Variants in ZNF582 observed in about 807,000 individuals in gnomAD.
The protein encoded by ZNF582 is zinc finger protein 582.
Under a neutral mutation model 12.3 loss-of-function variants are expected in ZNF582, and 14 were observed. The observed-to-expected ratio is 1.14, with a 90% CI of 0.75 to 1.78. The LOEUF (loss-of-function observed/expected upper bound fraction) is 1.78. ZNF582 is among the 40% of genes most tolerant of loss of function. The pLI, the probability that ZNF582 is intolerant of heterozygous loss-of-function variation, is 0.00. For synonymous variants in ZNF582, 210 were observed against 207.2 expected (o/e 1.01, Z -0.11); for missense variants, 567 against 616.5 (o/e 0.92, Z 0.85).
exon 5 of ZNF582, chr19:56,384,612 G>C: frequency 6.2e-7 from 1 of 1,614,120 alleles, no homozygotes; most frequent in Non-Finnish European, 8.5e-7. Context: ...TCAATCAACT[G>C]TGAGCTTCGA....
intron 3 of ZNF582, 79 bp from the exon 4 acceptor site, chr19:56,390,175 A>C (rs2042003307): frequency 1.4e-6 from 2 of 1,415,072 alleles, no homozygotes; most frequent in Admixed American, 3.6e-5. Flanking sequence ...GTCATCAAGC[A>C]GGAGAGGCAG....
exon 1 of ZNF582, chr19:56,393,335 ACGATGAGG>A: frequency 9.0e-7 from 1 of 1,105,012 alleles, no homozygotes; most frequent in African/African-American, 1.6e-5. Context: ...CCACAGAGCG[ACGATGAGG>A]CGAGACGTCT....
chr19:56,388,064 ACTT>A (rs761103177), intron 4 of ZNF582, among the ~76,000 whole-genome samples: 26 of 151,754 alleles, frequency 1.7e-4, no homozygotes, highest in Admixed American at 1.4e-3. Flanking sequence ...AATTGTGTGG[ACTT>A]CTTCTGTATT....
rs767064716 is a variant in ZNF582, at chr19:56,383,919, A to C, written c.1498T>G (p.Phe500Val). The C allele has an allele frequency of 6.8e-6, 11 of 1,607,902 alleles. No homozygotes were observed. The African/African-American group carries it at 1.3e-4, about 20-fold the overall frequency. The change falls in exon 5 of 5, where the codon TTT becomes GTT. Residue 500 changes from phenylalanine to valine, a missense_variant. Physicochemically the swap from Phe to Val is conservative, Grantham distance 50 (BLOSUM62 -1). Coordinates refer to ENST00000586929, the Ensembl canonical transcript of ZNF582. ...TTCATATGGTTGCTTGCCAACATAA[A>C]TTCTCTGATGATTAGTAAGGGGTAA...
At chr19:56,390,689 C>T (rs2042007970) in intron 2 of ZNF582, among the ~76,000 whole-genome samples, 188 bp from the exon 3 acceptor site, 1 of 152,092 alleles carries the variant, frequency 6.6e-6, no homozygotes, top group African/African-American at 2.4e-5. Flanking sequence ...TCAAACATTC[C>T]TTTTAACTGC....
chr19:56,389,850 C>G (rs2042000293), intron 4 of ZNF582, 151 bp downstream of exon 4: 1 of 597,212 alleles, frequency 1.7e-6, no homozygotes, highest in African/African-American at 1.9e-5. Flanking sequence ...CCACCTTTGT[C>G]AAATGCTGCT....
chr19:56,385,332 G>A (rs2041957598), intron 4 of ZNF582, 148 bp from the exon 5 acceptor site: 4 of 804,772 alleles, frequency 5.0e-6, no homozygotes, highest in South Asian at 2.1e-5. Context: ...AACAGTGAAA[G>A]GAAAATAACA....
intron 1 of ZNF582, among the ~76,000 whole-genome samples, chr19:56,392,333 G>A (rs994091547): frequency 6.6e-6 from 1 of 152,210 alleles, no homozygotes; most frequent in Non-Finnish European, 1.5e-5. Context: ...CTGAGGCTTT[G>A]TGCATGCCAC....
intron 3 of ZNF582, 114 bp downstream of exon 3, chr19:56,390,261 C>A: frequency 1.3e-6 from 2 of 1,536,160 alleles, no homozygotes; most frequent in South Asian, 1.2e-5. Context: ...CAGCGCCGCC[C>A]TTTAACCCCT....
chr19:56,387,068 T>C (rs1449317567), intron 4 of ZNF582, among the ~76,000 whole-genome samples: 1 of 152,358 alleles, frequency 6.6e-6, no homozygotes, highest in Non-Finnish European at 1.5e-5. Flanking sequence ...GCTATACTGG[T>C]ATATAAAATG....
intron 4 of ZNF582, 120 bp from the exon 5 acceptor site, chr19:56,385,304 T>A: frequency 9.9e-7 from 1 of 1,012,816 alleles, no homozygotes; most frequent in African/African-American, 1.6e-5. Flanking sequence ...GCTAAGCAAT[T>A]ATAAAATGGA....
intron 4 of ZNF582, chr19:56,386,248 T>C (rs540076151): frequency 6.6e-6 from 1 of 152,344 alleles, no homozygotes; most frequent in South Asian, 2.1e-4. Context: ...GCTATTCTCA[T>C]GTGTCCGCTA....
intron 1 of ZNF582, 147 bp downstream of exon 1, chr19:56,393,073 C>T: frequency 1.7e-6 from 1 of 577,182 alleles, no homozygotes; most frequent in Admixed American, 3.8e-5. Flanking sequence ...TCTAAACTAG[C>T]GGTTCTAAGT....
intron 4 of ZNF582, among the ~76,000 whole-genome samples, chr19:56,389,218 G>C (rs1249317454): frequency 6.6e-6 from 1 of 152,200 alleles, no homozygotes; most frequent in Admixed American, 6.5e-5. Flanking sequence ...ATGAAAGCAA[G>C]GATAATGTCC....
At chr19:56,389,924 C>T (rs6509995) in intron 4 of ZNF582, 77 bp downstream of exon 4, 951,597 of 1,199,778 alleles carry the variant, frequency 0.79, 378,618 homozygotes, top group East Asian at 0.94. Flanking sequence ...CAGGGAAGAT[C>T]TTCTAAGACA....
chr19:56,389,465 A>T (rs927877646), intron 4 of ZNF582, among the ~76,000 whole-genome samples: 1 of 152,146 alleles, frequency 6.6e-6, no homozygotes, highest in African/African-American at 2.4e-5. Flanking sequence ...TATAAGTGGG[A>T]GCTAAATGAG....
At chr19:56,384,219 A>G in exon 5 of ZNF582, 1 of 1,613,716 alleles carries the variant, frequency 6.2e-7, no homozygotes, top group Non-Finnish European at 8.5e-7. Context: ...GCCCTACCAC[A>G]TACCTTACAT....
intron 1 of ZNF582, among the ~76,000 whole-genome samples, chr19:56,392,443 T>C (rs1042114583): frequency 3.9e-5 from 6 of 152,200 alleles, no homozygotes; most frequent in Admixed American, 3.3e-4. Context: ...TATCAGCACA[T>C]AAATGTGTCC....
exon 5 of ZNF582, chr19:56,384,997 A>C (rs1230809407): frequency 2.5e-6 from 4 of 1,614,032 alleles, no homozygotes; most frequent in Non-Finnish European, 2.5e-6. Flanking sequence ...TGATCATCTG[A>C]TGGAAATGTC....
Sources: gnomAD v4.1 joint callset for allele counts (sites outside exome capture counted in the v4.1 genomes callset) on GRCh38, gnomAD v4.1.1 for gene constraint, MANE v1.5 for transcripts, NCBI Gene and HGNC (gene_info 2026-07-23, HGNC 2026-07-21) for gene names.